Variants in CCDC171 observed in about 807,000 individuals in gnomAD.
The protein encoded by CCDC171 is coiled-coil domain-containing protein 171.
A neutral mutation model predicts 168.2 loss-of-function variants in CCDC171; 177 were observed. The ratio of observed to expected loss-of-function variants is 1.05; its 90% CI spans 0.93 to 1.19. CCDC171 has a LOEUF of 1.19. Among genes scored for constraint, CCDC171 ranks in the 50% most tolerant of loss-of-function variants. The pLI, the probability that CCDC171 is intolerant of heterozygous loss-of-function variation, is 0.00. For missense variants in CCDC171, 1,991 were observed against 1,539.0 expected (o/e 1.29, Z -4.91); for synonymous variants, 687 against 540.8 (o/e 1.27, Z -3.75).
intron 1 of CCDC171, among the ~76,000 whole-genome samples, chr9:16,047,173 G>A (rs1029173214): frequency 6.6e-6 from 1 of 152,184 alleles, no homozygotes; most frequent in African/African-American, 2.4e-5. Context: ...AGGGTGGTGA[G>A]TGGGGGTGGC....
the CCDC171 span, among the ~76,000 whole-genome samples, chr9:16,089,643 C>T: frequency 6.6e-6 from 1 of 151,786 alleles, no homozygotes; most frequent in African/African-American, 2.4e-5. Context: ...GAATATTTTC[C>T]CCATTGCTTG....
At chr9:16,023,505 C>A (rs945737309) in intron 6 of CCDC171, among the ~76,000 whole-genome samples, 2 of 152,088 alleles carry the variant, frequency 1.3e-5, no homozygotes, top group Non-Finnish European at 2.9e-5. Flanking sequence ...TGATTTATTC[C>A]TATAGCTTGA....
chr9:15,713,553 G>A (rs977348731), intron 11 of CCDC171, among the ~76,000 whole-genome samples: 1 of 152,000 alleles, frequency 6.6e-6, no homozygotes, highest in African/African-American at 2.4e-5. Flanking sequence ...TTTCATGATG[G>A]GCACCCTCTA....
chr9:15,990,197 A>G (rs775152565), intron 3 of CCDC171, among the ~76,000 whole-genome samples: 2 of 152,174 alleles, frequency 1.3e-5, no homozygotes, highest in Non-Finnish European at 2.9e-5. Flanking sequence ...GGTTACCCAC[A>G]AAGGGAAGCC....
intron 23 of CCDC171, among the ~76,000 whole-genome samples, chr9:15,874,214 A>G (rs992348729): frequency 6.6e-6 from 1 of 152,010 alleles, no homozygotes; most frequent in African/African-American, 2.4e-5. Context: ...TGATTTTGTG[A>G]ATGTTTTTTC....
chr9:15,635,110 T>C (rs147322779), intron 7 of CCDC171, among the ~76,000 whole-genome samples: 7 of 152,232 alleles, frequency 4.6e-5, no homozygotes, highest in Non-Finnish European at 1.0e-4. Context: ...TATATGTATA[T>C]GTGAAGGGGA....
intron 25 of CCDC171, among the ~76,000 whole-genome samples, chr9:15,939,956 T>C (rs944570225): frequency 2.0e-5 from 3 of 151,842 alleles, no homozygotes; most frequent in Non-Finnish European, 4.4e-5. Context: ...TGTAAAATTA[T>C]TTTATTTGTT....
the CCDC171 span, among the ~76,000 whole-genome samples, chr9:16,107,839 C>A: frequency 6.6e-6 from 1 of 152,016 alleles, no homozygotes; most frequent in Non-Finnish European, 1.5e-5. Context: ...GACTGAGTAT[C>A]AGGATAGGGC....
intron 9 of CCDC171, among the ~76,000 whole-genome samples, chr9:15,674,272 A>G (rs753449299): frequency 1.3e-5 from 2 of 152,138 alleles, no homozygotes; most frequent in Middle Eastern, 3.4e-3. Flanking sequence ...TAATATTGCT[A>G]GCAGTCTTAT....
chr9:15,902,851 A>C (rs190114762), intron 24 of CCDC171, among the ~76,000 whole-genome samples: 100 of 152,318 alleles, frequency 6.6e-4, no homozygotes, highest in African/African-American at 2.3e-3. Flanking sequence ...GCACTTTTCC[A>C]ACAGTCTTAG....
the CCDC171 span, among the ~76,000 whole-genome samples, chr9:16,071,328 A>G: frequency 6.6e-6 from 1 of 152,000 alleles, no homozygotes; most frequent in African/African-American, 2.4e-5. Context: ...TCAGCTCAGC[A>G]CACCTTGTTG....
chr9:15,932,744 C>T (rs1826675589), intron 25 of CCDC171, among the ~76,000 whole-genome samples: 1 of 151,834 alleles, frequency 6.6e-6, no homozygotes. Flanking sequence ...TTATGGGTTT[C>T]CCATAGGCCT....
intron 2 of CCDC171, among the ~76,000 whole-genome samples, chr9:15,566,404 C>G (rs2039730712): frequency 2.0e-5 from 3 of 151,918 alleles, no homozygotes; most frequent in Admixed American, 6.6e-5. Flanking sequence ...CAAAAAAATA[C>G]AAAAATTAGC....
Position 15,855,642 on chromosome 9 carries a change from TTAGA to T in CCDC171, c.3468+6701_3468+6704del, listed in dbSNP as rs1323437979. Among the ~76,000 whole-genome samples the T allele has an allele frequency of 4.6e-5, 7 of 151,938 alleles. No homozygotes were observed. The East Asian group carries it at 1.2e-3, about 25-fold the overall frequency. Reference sequence around the variant, plus strand: ...CTTCTACGATTCCTTCTTGTCTGCATTAGATAGATCTTTGGTAGTGTACCATTTT... The same window carrying T: ...CTTCTACGATTCCTTCTTGTCTGCATTAGATCTTTGGTAGTGTACCATTTT... On this transcript the variant is annotated intron_variant, in intron 23 of 25. Coordinates refer to ENST00000380701, the MANE Select transcript of CCDC171 (RefSeq NM_173550.4).
intron 11 of CCDC171, among the ~76,000 whole-genome samples, chr9:15,713,212 C>T (rs968285611): frequency 1.3e-5 from 2 of 152,212 alleles, no homozygotes; most frequent in African/African-American, 2.4e-5. Context: ...CTTTTTACCA[C>T]TGTTCTCCCG....
chr9:15,632,727 C>A (rs2045833362), intron 7 of CCDC171, among the ~76,000 whole-genome samples: 1 of 152,188 alleles, frequency 6.6e-6, no homozygotes, highest in Admixed American at 6.5e-5. Flanking sequence ...AATCCTAAGC[C>A]AAAAGAACAA....
intron 6 of CCDC171, among the ~76,000 whole-genome samples, chr9:15,622,108 C>A (rs1171770295): frequency 6.6e-6 from 1 of 152,062 alleles, no homozygotes; most frequent in East Asian, 1.9e-4. Flanking sequence ...AAGAGGGGAA[C>A]AACATACACT....
At chr9:15,595,980 C>G (rs4740616) in intron 6 of CCDC171, among the ~76,000 whole-genome samples, 2,751 of 152,210 alleles carry the variant, frequency 0.018, 149 homozygotes, top group Admixed American at 0.11. Context: ...CCTTCGCCCA[C>G]TTGTTGATGG....
intron 11 of CCDC171, among the ~76,000 whole-genome samples, chr9:15,711,389 G>A (rs553746687): frequency 1.3e-5 from 2 of 151,994 alleles, no homozygotes; most frequent in East Asian, 3.9e-4. Context: ...TTCAATTTTT[G>A]TTTCTCAATT....
Sources: gnomAD v4.1 joint callset for allele counts (sites outside exome capture counted in the v4.1 genomes callset) on GRCh38, gnomAD v4.1.1 for gene constraint, MANE v1.5 for transcripts, NCBI Gene and HGNC (gene_info 2026-07-23, HGNC 2026-07-21) for gene names.